Variants in CNTNAP2 observed in about 807,000 individuals in gnomAD.
The protein encoded by CNTNAP2 is contactin-associated protein-like 2.
CNTNAP2 carries 98 observed loss-of-function variants against 155.2 expected under a neutral mutation model. The ratio of observed to expected loss-of-function variants is 0.63; its 90% confidence interval spans 0.54 to 0.75. The LOEUF (loss-of-function observed/expected upper bound fraction) is 0.75. Among genes scored for constraint, CNTNAP2 ranks in the 30% least tolerant of loss-of-function variants. The pLI is 0.00. For missense variants in CNTNAP2, 1,727 were observed against 1,688.1 expected (o/e 1.02, Z -0.40); for synonymous variants, 651 against 631.2 (o/e 1.03, Z -0.47).
intron 1 of CNTNAP2, among the ~76,000 whole-genome samples, chr7:146,710,877 T>C (rs967723575): frequency 1.3e-5 from 2 of 152,076 alleles, no homozygotes; most frequent in African/African-American, 4.8e-5. Context: ...ATATCCGGTC[T>C]TGGCATTGGG....
At chr7:146,430,326 T>C (rs1054960983) in intron 1 of CNTNAP2, among the ~76,000 whole-genome samples, 1 of 152,046 alleles carries the variant, frequency 6.6e-6, no homozygotes, top group African/African-American at 2.4e-5. Flanking sequence ...TATTTAAAAA[T>C]CTGTAACTTT....
intron 11 of CNTNAP2, among the ~76,000 whole-genome samples, chr7:147,544,781 G>T (rs1799701922): frequency 6.6e-6 from 1 of 152,108 alleles, no homozygotes; most frequent in South Asian, 2.1e-4. Context: ...TCTCGTGGTA[G>T]TGAATAAGTC....
At chr7:147,327,691 A>T (rs918765643) in intron 9 of CNTNAP2, among the ~76,000 whole-genome samples, 1 of 152,192 alleles carries the variant, frequency 6.6e-6, no homozygotes, top group African/African-American at 2.4e-5. Context: ...ATTTATAAGA[A>T]CAAGAGACTT....
At chr7:146,305,417 C>T (rs1340099725) in intron 1 of CNTNAP2, among the ~76,000 whole-genome samples, 2 of 152,054 alleles carry the variant, frequency 1.3e-5, no homozygotes, top group Non-Finnish European at 2.9e-5. Flanking sequence ...GTTTTATCTA[C>T]CTTTGGTCTT....
chr7:146,791,379 T>C (rs1802671172), intron 2 of CNTNAP2, among the ~76,000 whole-genome samples: 1 of 152,234 alleles, frequency 6.6e-6, no homozygotes, highest in Admixed American at 6.5e-5. Context: ...CTTGCTATTG[T>C]GAACAGTGCC....
At chr7:147,348,169 T>G (rs2116873281) in intron 9 of CNTNAP2, among the ~76,000 whole-genome samples, 1 of 152,028 alleles carries the variant, frequency 6.6e-6, no homozygotes. Context: ...AAAATGAGAT[T>G]ATATCACAGC....
At chr7:148,153,032 A>AG (rs1456470029) in intron 17 of CNTNAP2, among the ~76,000 whole-genome samples, 18 of 150,626 alleles carry the variant, frequency 1.2e-4, no homozygotes, top group African/African-American at 4.4e-4. Flanking sequence ...AAAAAAAAAA[A>AG]AAAAAAAAAA....
At chr7:147,704,114 T>C (rs1796275697) in intron 13 of CNTNAP2, among the ~76,000 whole-genome samples, 1 of 152,202 alleles carries the variant, frequency 6.6e-6, no homozygotes, top group Non-Finnish European at 1.5e-5. Flanking sequence ...TATTCCATTG[T>C]GTACATACAC....
chr7:148,163,733 C>T (rs1336083971), intron 17 of CNTNAP2, among the ~76,000 whole-genome samples: 1 of 152,206 alleles, frequency 6.6e-6, no homozygotes, highest in Non-Finnish European at 1.5e-5. Flanking sequence ...TTTTTTCATA[C>T]TTGCCCTCCA....
chr7:148,257,107 G>A (rs1041908381), intron 20 of CNTNAP2, among the ~76,000 whole-genome samples: 8 of 152,078 alleles, frequency 5.3e-5, no homozygotes, highest in African/African-American at 1.9e-4. Context: ...CCAGGTGTGA[G>A]AGTCAGGTCA....
intron 8 of CNTNAP2, among the ~76,000 whole-genome samples, chr7:147,206,036 T>C (rs1447369935): frequency 6.6e-6 from 1 of 152,118 alleles, no homozygotes; most frequent in African/African-American, 2.4e-5. Context: ...TATGTATCAG[T>C]AATTAAATAT....
At chr7:146,608,845 C>G (rs1020125262) in intron 1 of CNTNAP2, among the ~76,000 whole-genome samples, 3 of 152,036 alleles carry the variant, frequency 2.0e-5, no homozygotes, top group African/African-American at 2.4e-5. Flanking sequence ...TCAAATTTCA[C>G]TGTCTCAGCA....
intron 21 of CNTNAP2, among the ~76,000 whole-genome samples, chr7:148,356,907 AC>A (rs1285889706): frequency 6.6e-6 from 1 of 151,202 alleles, no homozygotes; most frequent in African/African-American, 2.5e-5. Context: ...AAACAAAAAA[AC>A]AAAAAAAAAA....
chr7:148,152,749 G>A (rs923403631), intron 17 of CNTNAP2, among the ~76,000 whole-genome samples: 10 of 152,124 alleles, frequency 6.6e-5, no homozygotes, highest in Non-Finnish European at 1.2e-4. Flanking sequence ...AGCTGGGCAC[G>A]GCGGCTCACG....
intron 10 of CNTNAP2, among the ~76,000 whole-genome samples, chr7:147,406,548 A>AG (rs946743816): frequency 9.2e-5 from 14 of 152,326 alleles, no homozygotes; most frequent in South Asian, 2.1e-4. Flanking sequence ...GAGGGCAACA[A>AG]GCTTAGTTTT....
chr7:146,124,812 C>T (rs1282647886), intron 1 of CNTNAP2, among the ~76,000 whole-genome samples: 6 of 152,038 alleles, frequency 3.9e-5, no homozygotes, highest in East Asian at 3.9e-4. Flanking sequence ...ACAATGAGTT[C>T]GATGCTGCCA....
chr7:146,647,604 A>G (rs181839839), intron 1 of CNTNAP2, among the ~76,000 whole-genome samples: 1 of 152,256 alleles, frequency 6.6e-6, no homozygotes, highest in East Asian at 1.9e-4. Flanking sequence ...ATAAAGAGAA[A>G]TCACTGGGAA....
At chr7:146,988,169 G>T (rs1798147616) in intron 3 of CNTNAP2, among the ~76,000 whole-genome samples, 1 of 151,860 alleles carries the variant, frequency 6.6e-6, no homozygotes, top group South Asian at 2.1e-4. Context: ...CCTATATGAG[G>T]AAATGTCTTT....
At chr7:146,617,989 T>G (rs1799254629) in intron 1 of CNTNAP2, among the ~76,000 whole-genome samples, 1 of 152,186 alleles carries the variant, frequency 6.6e-6, no homozygotes. Flanking sequence ...TTATTTGGTT[T>G]GCTTTTCTTG....
Sources: gnomAD v4.1 joint callset for allele counts (sites outside exome capture counted in the v4.1 genomes callset) on GRCh38, gnomAD v4.1.1 for gene constraint, MANE v1.5 for transcripts, NCBI Gene and HGNC (gene_info 2026-07-23, HGNC 2026-07-21) for gene names.